Variants in MITF observed in about 807,000 individuals in gnomAD.
The protein encoded by MITF is microphthalmia-associated transcription factor.
MITF carries 17 observed loss-of-function variants against 60.5 expected under a neutral mutation model. That is an observed-to-expected ratio of 0.28 (90% CI 0.19 to 0.42). The LOEUF (loss-of-function observed/expected upper bound fraction) is 0.42. Among genes scored for constraint, MITF ranks in the 10% least tolerant of loss-of-function variants. The probability of loss-of-function intolerance (pLI) is 1.00; values close to 1 mark genes in which losing one functional copy is unlikely to be tolerated. For synonymous variants in MITF, 260 were observed against 248.5 expected (o/e 1.05, Z -0.43); for missense variants, 622 against 683.5 (o/e 0.91, Z 1.00).
chr3:69,879,131 C>G lies in MITF; in HGVS notation c.105-3C>G. On this transcript the variant is annotated splice_polypyrimidine_tract_variant and splice_region_variant and intron_variant, in intron 1 of 9. Coordinates refer to ENST00000352241, the MANE Select transcript of MITF (RefSeq NM_001354604.2). ...TGTTGTATGCATTTTGGTTTTCCCACAGCAGTTCCGCCGAGCATCCTGGGG... is the reference window on the plus strand; with the variant it reads ...TGTTGTATGCATTTTGGTTTTCCCAGAGCAGTTCCGCCGAGCATCCTGGGG... 6.2e-7 allele frequency: 1 copy of G among 1,614,056 alleles called. No individual in the cohort carries two copies. The highest frequency in any genetic ancestry group is 1.7e-5 in the Admixed American group (1 of 60,022).
intron 1 of MITF, chr3:69,762,712 A>G: frequency 4.5e-6 from 1 of 220,430 alleles, no homozygotes; most frequent in Non-Finnish European, 9.1e-6. Flanking sequence ...GCCCTGGTTT[A>G]TCTCGACAGT....
chr3:69,964,041 A>T (rs2066621120), intron 9 of MITF, among the ~76,000 whole-genome samples: 1 of 141,356 alleles, frequency 7.1e-6, no homozygotes, highest in Admixed American at 7.6e-5. Flanking sequence ...CAATGGCGCA[A>T]TCTCGGCTCA....
intron 1 of MITF, among the ~76,000 whole-genome samples, chr3:69,866,839 T>TG (rs1297760990): frequency 3.3e-5 from 5 of 151,888 alleles, no homozygotes; most frequent in Admixed American, 3.3e-4. Context: ...CCTTTTTTTT[T>TG]TTTTTTTCCT....
intron 6 of MITF, 140 bp from the exon 7 acceptor site, chr3:69,951,672 T>C (rs1050803861): frequency 1.0e-5 from 7 of 671,038 alleles, no homozygotes; most frequent in South Asian, 3.3e-5. Flanking sequence ...TAAAAAGATA[T>C]CATTTTTAAA....
intron 1 of MITF, among the ~76,000 whole-genome samples, chr3:69,805,344 C>A (rs1343673879): frequency 6.6e-6 from 1 of 152,162 alleles, no homozygotes; most frequent in Non-Finnish European, 1.5e-5. Flanking sequence ...AGGTATTCCA[C>A]ACCTCAGAAT....
chr3:69,919,435 G>A (rs944822247), intron 2 of MITF, among the ~76,000 whole-genome samples: 4 of 152,222 alleles, frequency 2.6e-5, no homozygotes, highest in African/African-American at 4.8e-5. Context: ...AAAATAAAAC[G>A]ATCTAGAATC....
At chr3:69,916,183 T>A (rs1313315272) in intron 2 of MITF, among the ~76,000 whole-genome samples, 1 of 152,240 alleles carries the variant, frequency 6.6e-6, no homozygotes, top group East Asian at 1.9e-4. Context: ...ACATCTGCAT[T>A]TTATTTTCAG....
chr3:69,876,757 A>G (rs939274703), intron 1 of MITF, among the ~76,000 whole-genome samples: 5 of 152,164 alleles, frequency 3.3e-5, no homozygotes, highest in African/African-American at 1.2e-4. Flanking sequence ...TACTGGATAT[A>G]TTCACCACTT....
chr3:69,806,895 A>T (rs914642521), intron 1 of MITF, among the ~76,000 whole-genome samples: 16 of 152,220 alleles, frequency 1.1e-4, no homozygotes, highest in Admixed American at 7.2e-4. Context: ...ATGTGTAATT[A>T]AAGACAGGAA....
chr3:69,809,007 G>T (rs2063057645), intron 1 of MITF, among the ~76,000 whole-genome samples: 1 of 152,098 alleles, frequency 6.6e-6, no homozygotes, highest in Non-Finnish European at 1.5e-5. Flanking sequence ...TGACTTTAGA[G>T]TAGTAACAGT....
intron 2 of MITF, among the ~76,000 whole-genome samples, chr3:69,933,245 G>A (rs961164993): frequency 3.3e-5 from 5 of 151,962 alleles, no homozygotes; most frequent in East Asian, 3.9e-4. Flanking sequence ...ATCTACACTC[G>A]CTTCTACTTG....
At chr3:69,814,684 A>C (rs1244630103) in intron 1 of MITF, among the ~76,000 whole-genome samples, 10 of 151,860 alleles carry the variant, frequency 6.6e-5, no homozygotes, top group Non-Finnish European at 1.3e-4. Flanking sequence ...CTGTGTGTGT[A>C]GTCTGAAATT....
At chr3:69,786,393 T>G (rs1288844805) in intron 1 of MITF, among the ~76,000 whole-genome samples, 2 of 152,224 alleles carry the variant, frequency 1.3e-5, no homozygotes, top group African/African-American at 4.8e-5. Flanking sequence ...CTTTGCGCTC[T>G]GTAGAGGTAA....
At chr3:69,916,605 A>C (rs544552669) in intron 2 of MITF, among the ~76,000 whole-genome samples, 2 of 152,288 alleles carry the variant, frequency 1.3e-5, no homozygotes, top group East Asian at 3.9e-4. Context: ...ATTTACTAAA[A>C]AGTACTGCTT....
At chr3:69,769,470 T>G (rs2062357954) in intron 1 of MITF, 1 of 1,198 alleles carries the variant, frequency 8.3e-4, no homozygotes, top group Non-Finnish European at 3.4e-3. Flanking sequence ...CTATGTGATT[T>G]CTTTTTTTTT....
intron 1 of MITF, among the ~76,000 whole-genome samples, chr3:69,833,774 T>C (rs1467153788): frequency 2.0e-5 from 3 of 152,252 alleles, no homozygotes; most frequent in Non-Finnish European, 4.4e-5. Context: ...CTATGTACAC[T>C]GTATGTGGTT....
chr3:69,747,128 C>G (rs1703757464), intron 1 of MITF, among the ~76,000 whole-genome samples: 2 of 152,144 alleles, frequency 1.3e-5, no homozygotes, highest in Non-Finnish European at 2.9e-5. Flanking sequence ...TGCTGAGTGT[C>G]AGTCTCTGTG....
At chr3:69,893,375 G>T (rs898946676) in intron 2 of MITF, among the ~76,000 whole-genome samples, 21 of 151,934 alleles carry the variant, frequency 1.4e-4, no homozygotes, top group African/African-American at 1.9e-4. Context: ...TGAAAGGCAT[G>T]GGCTCTGGAG....
chr3:69,844,050 A>T (rs762815643), intron 1 of MITF, among the ~76,000 whole-genome samples: 20 of 152,094 alleles, frequency 1.3e-4, no homozygotes, highest in Admixed American at 3.9e-4. Flanking sequence ...AGCTTCATCC[A>T]TGTCCCTGCA....
Sources: gnomAD v4.1 joint callset for allele counts (sites outside exome capture counted in the v4.1 genomes callset) on GRCh38, gnomAD v4.1.1 for gene constraint, MANE v1.5 for transcripts, NCBI Gene and HGNC (gene_info 2026-07-23, HGNC 2026-07-21) for gene names.